The following ZC3HAV1L variants were observed in gnomAD, a reference collection of about 807,000 sequenced individuals.
ZC3HAV1L encodes zinc finger CCCH-type antiviral protein 1-like.
A neutral mutation model predicts 28.2 loss-of-function variants in ZC3HAV1L; 23 were observed. That is an observed-to-expected ratio of 0.82 (90% CI 0.59 to 1.16). ZC3HAV1L has a LOEUF of 1.16. ZC3HAV1L is among the 50% of genes most tolerant of loss of function. The probability of loss-of-function intolerance (pLI) is 0.00; values close to 1 mark genes in which losing one functional copy is unlikely to be tolerated. For missense variants in ZC3HAV1L, 376 were observed against 387.7 expected (o/e 0.97, Z 0.25); for synonymous variants, 180 against 163.4 (o/e 1.10, Z -0.78).
At chr7:139,025,580 G>C (rs922243577), downstream of ZC3HAV1L, 1 of 152,074 alleles carries the variant, frequency 6.6e-6, no homozygotes. Flanking sequence ...GTATTGCTGA[G>C]GTCCTTTCAT....
intron 2 of ZC3HAV1L, among the ~76,000 whole-genome samples, chr7:139,032,320 C>G (rs11770688): frequency 0.48 from 73,536 of 151,680 alleles, 18,319 homozygotes; most frequent in Non-Finnish European, 0.52. Flanking sequence ...ATCCACTGTA[C>G]GGCAAGGTGA....
At chr7:139,021,570 C>T (rs1333309041), downstream of ZC3HAV1L, among the ~76,000 whole-genome samples, 1 of 151,998 alleles carries the variant, frequency 6.6e-6, no homozygotes, top group African/African-American at 2.4e-5. Flanking sequence ...ATTAAAAGAA[C>T]ATATACTATA....
downstream of ZC3HAV1L, among the ~76,000 whole-genome samples, chr7:139,024,471 C>T (rs1815306004): frequency 6.6e-6 from 1 of 152,062 alleles, no homozygotes; most frequent in South Asian, 2.1e-4. Context: ...CAAAAATATA[C>T]ATAGTAAAAT....
At chr7:139,026,687 C>T (rs769904767) in intron 4 of ZC3HAV1L, 21 bp downstream of exon 4, 3 of 1,613,386 alleles carry the variant, frequency 1.9e-6, no homozygotes, top group Non-Finnish European at 2.5e-6. Flanking sequence ...TCTTAGTTCA[C>T]TGACCCCCTT....
At position 139,035,783 on chromosome 7, in the gene ZC3HAV1L, C is replaced by A. The variant is rs1375382518; in HGVS notation, c.235G>T (p.Ala79Ser). 2.7e-6 allele frequency: 4 copies of A among 1,493,310 alleles called. No individual in the cohort carries two copies. The highest frequency in any genetic ancestry group is 2.9e-5 in the African/African-American group (2 of 68,446). 92.5% of individuals were successfully genotyped at this position (1,493,310 alleles called of 1,614,324 possible). A position where few individuals can be genotyped will look rare whatever the true frequency, so the allele number is the denominator to read the frequency against. ...AGAVGGGGTS[A>S]WRVVAVSSVR... ...GAGGACACGGCCACCACCCTCCAGG[C>A]GGAGGTGCCGCCACCGCCCACCGCG... Residue 79 changes from alanine (A) to serine (S), a missense_variant, in exon 1 of 5, where the codon GCC becomes TCC. Ala to Ser is a moderately conservative substitution (Grantham distance 99, BLOSUM62 1). Coordinates refer to ENST00000275766, the MANE Select transcript of ZC3HAV1L (RefSeq NM_080660.4).
At position 139,035,905 on chromosome 7, in the gene ZC3HAV1L, C is replaced by T. The variant is rs773663345; in HGVS notation, c.113G>A (p.Arg38Gln). ...GHVELSEARL[R>Q]DVLQRAGPER... ...GGGCCCGGCGCGCTGCAGCACGTCC[C>T]GGAGCCTGGCCTCCGACAGCTCCAC... The change falls in exon 1 of 5, where the codon CGG becomes CAG. Residue 38 changes from arginine to glutamine, a missense_variant. By Grantham distance (43) the Arg-to-Gln change is conservative (BLOSUM62 1). Transcript: ENST00000275766. The T allele has an allele frequency of 2.6e-6, 4 of 1,513,946 alleles. No homozygotes were observed. The South Asian group carries it at 3.7e-5, about 14-fold the overall frequency. The allele number at this position is 1,513,946 out of a possible 1,614,324, so 93.8% of individuals were successfully genotyped here.
At chr7:139,031,642 C>T (rs1454854311) in intron 2 of ZC3HAV1L, among the ~76,000 whole-genome samples, 3 of 151,080 alleles carry the variant, frequency 2.0e-5, no homozygotes, top group East Asian at 2.0e-4. Context: ...CTATGGCTCA[C>T]GCCTGTTATC....
chr7:139,035,551 C>A, intron 1 of ZC3HAV1L, 102 bp downstream of exon 1: 1 of 1,326,460 alleles, frequency 7.5e-7, no homozygotes, highest in African/African-American at 1.5e-5. Flanking sequence ...CGTCCCCGGC[C>A]CGGGGCAGGA....
chr7:139,035,492 G>A, intron 1 of ZC3HAV1L, 161 bp downstream of exon 1: 1 of 985,392 alleles, frequency 1.0e-6, no homozygotes, highest in Non-Finnish European at 1.2e-6. Context: ...CTGGAAGCGC[G>A]GGGGAGGACG....
chr7:139,029,845 C>T (rs1305259566), intron 2 of ZC3HAV1L, among the ~76,000 whole-genome samples: 2 of 152,110 alleles, frequency 1.3e-5, no homozygotes, highest in Non-Finnish European at 2.9e-5. Flanking sequence ...TTTTAGGCTG[C>T]AAGGGAGCAC....
intron 2 of ZC3HAV1L, among the ~76,000 whole-genome samples, chr7:139,029,698 C>T (rs1228984791): frequency 1.3e-5 from 2 of 152,182 alleles, no homozygotes; most frequent in Admixed American, 6.6e-5. Flanking sequence ...TTCCCTCTCT[C>T]CCACACTGGG....
At chr7:139,031,931 T>C (rs556238553) in intron 2 of ZC3HAV1L, among the ~76,000 whole-genome samples, 1 of 151,794 alleles carries the variant, frequency 6.6e-6, no homozygotes, top group East Asian at 1.9e-4. Flanking sequence ...AAAAAGTAGC[T>C]GGGTGCGGTG....
intron 2 of ZC3HAV1L, among the ~76,000 whole-genome samples, chr7:139,032,186 A>G (rs1815554234): frequency 6.6e-6 from 1 of 152,158 alleles, no homozygotes; most frequent in Admixed American, 6.6e-5. Context: ...TGGAAAATAG[A>G]TCCTACACCT....
intron 2 of ZC3HAV1L, among the ~76,000 whole-genome samples, chr7:139,033,351 T>A (rs1336665004): frequency 6.6e-6 from 1 of 152,246 alleles, no homozygotes; most frequent in Non-Finnish European, 1.5e-5. Context: ...AGCTGTATTT[T>A]TCTAGAAATT....
chr7:139,030,075 G>A (rs974335273), intron 2 of ZC3HAV1L, among the ~76,000 whole-genome samples: 3 of 152,102 alleles, frequency 2.0e-5, no homozygotes, highest in Non-Finnish European at 2.9e-5. Context: ...TGACATCCCC[G>A]GCAACCCCTC....
At chr7:139,028,573 A>C in intron 3 of ZC3HAV1L, 129 bp downstream of exon 3, 1 of 1,258,062 alleles carries the variant, frequency 7.9e-7, no homozygotes, top group Non-Finnish European at 1.1e-6. Flanking sequence ...CCCAAGAACA[A>C]AGATGAAATT....
chr7:139,028,042 G>A (rs777033786), intron 3 of ZC3HAV1L, among the ~76,000 whole-genome samples: 2 of 151,888 alleles, frequency 1.3e-5, no homozygotes, highest in Admixed American at 6.6e-5. Context: ...TCCACTCACC[G>A]GCCCATCTCC....
chr7:139,035,784 G>T lies in ZC3HAV1L; in HGVS notation c.234C>A (p.Ser78=), dbSNP rs947524914. ...AGGACACGGCCACCACCCTCCAGGCGGAGGTGCCGCCACCGCCCACCGCGC... is the reference window on the plus strand; with the variant it reads ...AGGACACGGCCACCACCCTCCAGGCTGAGGTGCCGCCACCGCCCACCGCGC... ...AAGAVGGGGT[S]AWRVVAVSSV... Residue 78 remains serine, a synonymous_variant, in exon 1 of 5, where the codon TCC becomes TCA. Coordinates refer to ENST00000275766, the MANE Select transcript of ZC3HAV1L (RefSeq NM_080660.4). 6.0e-6 allele frequency: 9 copies of T among 1,493,328 alleles called. No individual in the cohort carries two copies. Among genetic ancestry groups the T allele is most frequent in the African/African-American group, 2.9e-5 (2 of 68,458 alleles). 92.5% of individuals were successfully genotyped at this position (1,493,328 alleles called of 1,614,324 possible).
intron 2 of ZC3HAV1L, among the ~76,000 whole-genome samples, chr7:139,032,110 T>A (rs1815552166): frequency 6.6e-6 from 1 of 150,700 alleles, no homozygotes; most frequent in African/African-American, 2.4e-5. Flanking sequence ...AAAGAGTAAA[T>A]AAACTTTAAA....
Sources: gnomAD v4.1 joint callset for allele counts (sites outside exome capture counted in the v4.1 genomes callset) on GRCh38, gnomAD v4.1.1 for gene constraint, MANE v1.5 for transcripts, NCBI Gene and HGNC (gene_info 2026-07-23, HGNC 2026-07-21) for gene names.